Variants in ATP8B4 observed in about 807,000 individuals in gnomAD.
ATP8B4 encodes probable phospholipid-transporting ATPase IM.
Under a neutral mutation model 145.6 loss-of-function variants are expected in ATP8B4, and 133 were observed. The observed-to-expected ratio is 0.91, with a 90% CI of 0.79 to 1.05. The LOEUF (loss-of-function observed/expected upper bound fraction) is 1.05. ATP8B4 is among the 50% of genes least tolerant of loss of function. The probability of loss-of-function intolerance (pLI) is 0.00; values close to 1 mark genes in which losing one functional copy is unlikely to be tolerated. For missense variants in ATP8B4, 1,458 were observed against 1,425.2 expected (o/e 1.02, Z -0.37); for synonymous variants, 507 against 492.9 (o/e 1.03, Z -0.38).
intron 3 of ATP8B4, among the ~76,000 whole-genome samples, chr15:50,056,823 A>T (rs2052642414): frequency 6.6e-6 from 1 of 151,990 alleles, no homozygotes; most frequent in Admixed American, 6.6e-5. Context: ...ACACACATAT[A>T]AATATTAACA....
chr15:50,147,441 A>AT (rs1567406920), intron 1 of ATP8B4, among the ~76,000 whole-genome samples: 2 of 133,002 alleles, frequency 1.5e-5, no homozygotes, highest in Non-Finnish European at 1.7e-5. Flanking sequence ...AAAAAAAAAA[A>AT]GTATATACTT....
chr15:49,919,014 G>T, intron 18 of ATP8B4, 64 bp from the exon 19 acceptor site: 1 of 1,188,404 alleles, frequency 8.4e-7, no homozygotes, highest in Non-Finnish European at 1.2e-6. Context: ...AACATCTATG[G>T]ATTTCACTCA....
intron 1 of ATP8B4, among the ~76,000 whole-genome samples, chr15:50,173,034 TGGGGGCAGCCTCCGC>T: frequency 8.8e-6 from 1 of 113,256 alleles, no homozygotes; most frequent in South Asian, 2.9e-4. Context: ...ATCCGGGAGG[TGGGGGCAGCCTCCGC>T]CCGGCCAGCC....
chr15:49,988,459 G>A (rs1037229348), intron 9 of ATP8B4, among the ~76,000 whole-genome samples: 2 of 151,894 alleles, frequency 1.3e-5, no homozygotes, highest in African/African-American at 4.8e-5. Context: ...GACAGAGGGA[G>A]GAAGGAAAAA....
At chr15:50,076,029 A>G (rs1369171776) in intron 2 of ATP8B4, among the ~76,000 whole-genome samples, 4 of 152,222 alleles carry the variant, frequency 2.6e-5, no homozygotes, top group Non-Finnish European at 5.9e-5. Context: ...AACAAAAATC[A>G]GATATATTAA....
At chr15:50,075,705 A>C (rs1489685109) in intron 2 of ATP8B4, among the ~76,000 whole-genome samples, 1 of 152,126 alleles carries the variant, frequency 6.6e-6, no homozygotes, top group Non-Finnish European at 1.5e-5. Context: ...GCAACCTCTC[A>C]ACCACCCACC....
At chr15:50,074,083 T>C in intron 3 of ATP8B4, 44 bp downstream of exon 3, 1 of 1,555,656 alleles carries the variant, frequency 6.4e-7, no homozygotes. Flanking sequence ...TGTCTTTAGG[T>C]AAGACCTATC....
chr15:50,124,339 C>G (rs553615096), intron 1 of ATP8B4, among the ~76,000 whole-genome samples: 3 of 152,126 alleles, frequency 2.0e-5, no homozygotes, highest in African/African-American at 7.2e-5. Flanking sequence ...AACGACTGAC[C>G]CATTGTTGGT....
chr15:50,102,788 A>AAC (rs1185248323), intron 2 of ATP8B4, among the ~76,000 whole-genome samples: 1 of 102,456 alleles, frequency 9.8e-6, no homozygotes, highest in East Asian at 3.6e-4. Context: ...GGACATAACA[A>AAC]AAAAAAAAAA....
chr15:50,172,788 G>A (rs189897086), intron 1 of ATP8B4, among the ~76,000 whole-genome samples: 13,919 of 151,570 alleles, frequency 0.092, 806 homozygotes, highest in Middle Eastern at 0.15. Context: ...GCCTCTGCCC[G>A]GCCGCGACCC....
intron 1 of ATP8B4, among the ~76,000 whole-genome samples, chr15:50,109,865 C>T (rs563816272): frequency 2.0e-5 from 3 of 152,148 alleles, no homozygotes; most frequent in African/African-American, 7.2e-5. Flanking sequence ...TCCATGTAAC[C>T]TCTTCTCTAT....
At chr15:50,124,619 A>G (rs1283191612) in intron 1 of ATP8B4, among the ~76,000 whole-genome samples, 1 of 152,162 alleles carries the variant, frequency 6.6e-6, no homozygotes, top group Non-Finnish European at 1.5e-5. Context: ...AAGAAAAAAA[A>G]AGATACCTAA....
chr15:50,071,661 G>A (rs2053746024), intron 3 of ATP8B4, among the ~76,000 whole-genome samples: 1 of 152,168 alleles, frequency 6.6e-6, no homozygotes, highest in Non-Finnish European at 1.5e-5. Flanking sequence ...AAAAGGCATG[G>A]GGCCAAGTCT....
chr15:50,115,597 C>A (rs979087669), intron 1 of ATP8B4, among the ~76,000 whole-genome samples: 2 of 151,766 alleles, frequency 1.3e-5, no homozygotes, highest in Non-Finnish European at 2.9e-5. Flanking sequence ...GGAAGGTTTG[C>A]GGAGCAGTGA....
At chr15:50,176,872 C>G (rs1278009297) in intron 1 of ATP8B4, among the ~76,000 whole-genome samples, 2 of 152,182 alleles carry the variant, frequency 1.3e-5, no homozygotes, top group African/African-American at 2.4e-5. Flanking sequence ...CCTGCTCTGT[C>G]ATGTCTAATA....
chr15:50,061,384 T>C (rs2053007418), intron 3 of ATP8B4, among the ~76,000 whole-genome samples: 1 of 152,132 alleles, frequency 6.6e-6, no homozygotes, highest in Non-Finnish European at 1.5e-5. Context: ...TTCTTATTTT[T>C]AAAAAATGTA....
intron 1 of ATP8B4, among the ~76,000 whole-genome samples, chr15:50,112,633 A>T (rs1408073852): frequency 6.6e-6 from 1 of 151,996 alleles, no homozygotes; most frequent in Admixed American, 6.5e-5. Context: ...TCTATCTAGC[A>T]TTACTTTGAG....
At chr15:50,052,314 C>A (rs2052249860) in intron 3 of ATP8B4, among the ~76,000 whole-genome samples, 1 of 152,172 alleles carries the variant, frequency 6.6e-6, no homozygotes, top group Non-Finnish European at 1.5e-5. Flanking sequence ...GAGTAGACTC[C>A]ACGGAGCCTC....
intron 14 of ATP8B4, among the ~76,000 whole-genome samples, chr15:49,949,681 C>A (rs2153488657): frequency 6.6e-6 from 1 of 152,068 alleles, no homozygotes; most frequent in African/African-American, 2.4e-5. Context: ...GCCTGACTAC[C>A]CTGGCCAGAA....
Sources: allele counts gnomAD v4.1 joint callset (sites outside exome capture counted in the v4.1 genomes callset), GRCh38; gene constraint gnomAD v4.1.1; transcripts MANE v1.5; gene names NCBI Gene and HGNC (gene_info 2026-07-23, HGNC 2026-07-21).